The following MYO16 variants were observed in gnomAD, a reference collection of about 807,000 sequenced individuals.
The protein encoded by MYO16 is myosin XVI.
Under a neutral mutation model 205.3 loss-of-function variants are expected in MYO16, and 94 were observed. The observed-to-expected ratio is 0.46, with a 90% CI of 0.39 to 0.54. The LOEUF (loss-of-function observed/expected upper bound fraction) is 0.54, where lower values mean the gene tolerates loss of function less well. Among genes scored for constraint, MYO16 ranks in the 20% least tolerant of loss-of-function variants. The probability of loss-of-function intolerance (pLI) is 0.00; values close to 1 mark genes in which losing one functional copy is unlikely to be tolerated. For missense variants in MYO16, 2,315 were observed against 2,387.5 expected (o/e 0.97, Z 0.63); for synonymous variants, 988 against 954.0 (o/e 1.04, Z -0.66).
chr13:108,519,734 G>A, the MYO16 span, among the ~76,000 whole-genome samples: 4 of 151,448 alleles, frequency 2.6e-5, no homozygotes, highest in African/African-American at 9.7e-5. Flanking sequence ...GGCTATCTAA[G>A]CATTATGCAA....
intron 9 of MYO16, among the ~76,000 whole-genome samples, chr13:108,843,193 A>G (rs563004467): frequency 6.6e-6 from 1 of 151,948 alleles, no homozygotes; most frequent in Non-Finnish European, 1.5e-5. Flanking sequence ...AATTAATAGA[A>G]TTGTAGTTGC....
intron 5 of MYO16, among the ~76,000 whole-genome samples, chr13:108,792,962 A>G (rs927326782): frequency 2.6e-5 from 4 of 152,208 alleles, no homozygotes; most frequent in Non-Finnish European, 5.9e-5. Context: ...TTGATGATTT[A>G]TACTAAAACA....
intron 1 of MYO16, among the ~76,000 whole-genome samples, chr13:108,659,575 C>G (rs1881407399): frequency 6.6e-6 from 1 of 152,116 alleles, no homozygotes; most frequent in Non-Finnish European, 1.5e-5. Context: ...AGCTTCATGA[C>G]ACTGCCTCAG....
chr13:108,765,530 T>C (rs1317371764), intron 4 of MYO16, among the ~76,000 whole-genome samples: 1 of 152,210 alleles, frequency 6.6e-6, no homozygotes, highest in Non-Finnish European at 1.5e-5. Flanking sequence ...ATGGTTCTCC[T>C]GGGTTTTTTA....
chr13:108,802,365 T>C (rs1474334085), intron 6 of MYO16, among the ~76,000 whole-genome samples: 1 of 152,240 alleles, frequency 6.6e-6, no homozygotes, highest in Non-Finnish European at 1.5e-5. Context: ...GCCTGACTTA[T>C]TTCACTTAAC....
At chr13:109,128,049 A>T (rs1171543319) in intron 31 of MYO16, among the ~76,000 whole-genome samples, 2 of 152,240 alleles carry the variant, frequency 1.3e-5, no homozygotes, top group Non-Finnish European at 2.9e-5. Flanking sequence ...AGAAACAGGG[A>T]TGCTCAAAAG....
chr13:109,007,572 GTGTGTGTGTGTGTGTT>G, intron 21 of MYO16, among the ~76,000 whole-genome samples: 1 of 142,420 alleles, frequency 7.0e-6, no homozygotes, highest in Non-Finnish European at 1.6e-5. Flanking sequence ...GTGTGTGTGT[GTGTGTGTGTGTGTGTT>G]GATAGGAAAG....
intron 1 of MYO16, among the ~76,000 whole-genome samples, chr13:108,614,593 TCAAAA>T (rs1401021470): frequency 3.3e-5 from 5 of 151,900 alleles, no homozygotes; most frequent in Middle Eastern, 3.2e-3. Context: ...TACAAAATAA[TCAAAA>T]CAATGTGATA....
At chr13:109,019,940 A>G (rs770925801) in intron 23 of MYO16, 29 bp downstream of exon 23, 4 of 1,596,458 alleles carry the variant, frequency 2.5e-6, no homozygotes, top group Non-Finnish European at 3.4e-6. Context: ...ATAATTTTTC[A>G]TGTGCACTAA....
intron 34 of MYO16, among the ~76,000 whole-genome samples, chr13:109,193,503 C>A (rs990302212): frequency 1.3e-5 from 2 of 152,022 alleles, no homozygotes; most frequent in African/African-American, 4.8e-5. Flanking sequence ...AAATTATTTT[C>A]TTCATTCATA....
Position 109,012,389 on chromosome 13 carries a change from G to T in MYO16, c.2595+3340G>T, listed in dbSNP as rs1008945741. 5.9e-5 allele frequency among the ~76,000 whole-genome samples: 9 copies of T among 152,082 alleles called. 1 individual carries two copies. Among genetic ancestry groups the T allele is most frequent in the Admixed American group, 5.9e-4 (9 of 15,268 alleles). On this transcript the variant is annotated intron_variant, in intron 22 of 34. Transcript: ENST00000457511. ...GAGCTCCAGCTCCTGTCAAATCAGT[G>T]GCAGCATTAGGTTCTCATAGGAGCA...
At chr13:109,016,315 G>A (rs1320352718) in intron 22 of MYO16, among the ~76,000 whole-genome samples, 1 of 152,212 alleles carries the variant, frequency 6.6e-6, no homozygotes, top group African/African-American at 2.4e-5. Flanking sequence ...TGATTGTACT[G>A]TGGTCTGAGA....
chr13:108,856,850 T>C (rs1459680098), intron 11 of MYO16, among the ~76,000 whole-genome samples: 1 of 152,208 alleles, frequency 6.6e-6, no homozygotes, highest in Non-Finnish European at 1.5e-5. Context: ...ATCATTCTTT[T>C]TCAATCCAAT....
intron 12 of MYO16, among the ~76,000 whole-genome samples, chr13:108,869,501 A>G (rs9514935): frequency 0.19 from 28,189 of 150,988 alleles, 3,148 homozygotes; most frequent in East Asian, 0.5. Context: ...GAGGCGGGCG[A>G]ATCACGAGGT....
At chr13:108,794,264 G>A (rs867309607) in intron 6 of MYO16, among the ~76,000 whole-genome samples, 6 of 152,076 alleles carry the variant, frequency 3.9e-5, no homozygotes, top group African/African-American at 4.8e-5. Context: ...TGTACATCAA[G>A]CCACTAAAAC....
the MYO16 span, among the ~76,000 whole-genome samples, chr13:108,530,061 C>A: frequency 1.3e-5 from 2 of 152,226 alleles, no homozygotes; most frequent in African/African-American, 2.4e-5. Flanking sequence ...TTCCCAATTC[C>A]TTCTGCTCCC....
At chr13:109,116,176 CA>C (rs1875671330) in intron 28 of MYO16, among the ~76,000 whole-genome samples, 2 of 152,132 alleles carry the variant, frequency 1.3e-5, no homozygotes, top group African/African-American at 4.8e-5. Flanking sequence ...GCAGCAAGCA[CA>C]ATACCCAGGC....
chr13:108,643,538 T>C (rs189628165), intron 1 of MYO16, among the ~76,000 whole-genome samples: 31 of 152,360 alleles, frequency 2.0e-4, no homozygotes, highest in African/African-American at 7.0e-4. Context: ...TTGCTGGGTA[T>C]GGCAAGTGTG....
chr13:109,126,387 A>C (rs1239245483), intron 30 of MYO16, among the ~76,000 whole-genome samples: 1 of 152,246 alleles, frequency 6.6e-6, no homozygotes, highest in Non-Finnish European at 1.5e-5. Flanking sequence ...GTTCTGCCAC[A>C]GAAAGATATA....
Sources: allele counts gnomAD v4.1 joint callset (sites outside exome capture counted in the v4.1 genomes callset), GRCh38; gene constraint gnomAD v4.1.1; transcripts MANE v1.5; gene names NCBI Gene and HGNC (gene_info 2026-07-23, HGNC 2026-07-21).